Variants in HSF5 observed in about 807,000 individuals in gnomAD.
HSF5 encodes the protein heat shock factor protein 5.
HSF5 carries 5 observed loss-of-function variants against 50.8 expected under a neutral mutation model. That is an observed-to-expected ratio of 0.10 (90% CI 0.05 to 0.21). The LOEUF (loss-of-function observed/expected upper bound fraction) is 0.21. Among genes scored for constraint, HSF5 ranks in the 10% least tolerant of loss-of-function variants. The pLI, the probability that HSF5 is intolerant of heterozygous loss-of-function variation, is 1.00. For synonymous variants in HSF5, 307 were observed against 307.4 expected (o/e 1.00, Z 0.02); for missense variants, 564 against 762.6 (o/e 0.74, Z 3.07).
intron 3 of HSF5, among the ~76,000 whole-genome samples, chr17:58,463,583 A>G (rs1337748346): frequency 1.3e-5 from 2 of 152,208 alleles, no homozygotes; most frequent in Non-Finnish European, 2.9e-5. Context: ...AAGCTATAGT[A>G]CCCAAATACC....
intron 2 of HSF5, among the ~76,000 whole-genome samples, chr17:58,473,625 G>A (rs1375716477): frequency 6.6e-6 from 1 of 152,008 alleles, no homozygotes; most frequent in African/African-American, 2.4e-5. Flanking sequence ...GAAGTGGTAA[G>A]AATGGAAAAC....
Position 58,445,376 on chromosome 17 carries a change from T to A in HSF5, c.1720+13392A>T, listed in dbSNP as rs77416005. Among the ~76,000 whole-genome samples, 366 of 152,246 alleles carry A rather than the reference T, an allele frequency of 2.4e-3. 1 individual carries two copies. Among genetic ancestry groups the A allele is most frequent in the Admixed American group, 3.8e-3 (58 of 15,292 alleles). On this transcript the variant is annotated intron_variant, in intron 5 of 5. Transcript: ENST00000323777. ...GGAAGATTATTTGAGTCCAGGAGTT[T>A]TGAGTCTAGCCTGAGCAACATTGTG...
chr17:58,432,635 T>C (rs1974379588), intron 5 of HSF5, among the ~76,000 whole-genome samples: 1 of 152,146 alleles, frequency 6.6e-6, no homozygotes, highest in Non-Finnish European at 1.5e-5. Flanking sequence ...AGGAGCCAAA[T>C]CATTCAGCAT....
In HSF5 at chr17:58,480,278, G is replaced by T. The variant is rs551981177; in HGVS notation, c.551-11C>A. On this transcript the variant is annotated splice_polypyrimidine_tract_variant and intron_variant, in intron 1 of 5. Transcript: ENST00000323777. ...CTACAGCCACTGGTCCTACATAAAA[G>T]AGGAAGAGCACATTTACTAATTTTG... The T allele has an allele frequency of 1.9e-6, 3 of 1,583,958 alleles. No homozygotes were observed. Among genetic ancestry groups the T allele is most frequent in the Non-Finnish European group, 1.7e-6 (2 of 1,165,532 alleles).
chr17:58,463,029 A>C lies in HSF5; in HGVS notation c.1295T>G (p.Leu432Arg). ...SASQASQLEP[L>R]TPVGSDIMSF... Reference sequence around the variant, plus strand: ...CATAATATCTGAGCCTACAGGAGTAAGTGGCTCCAGCTGGCTAGCCTGACT... The same window carrying C: ...CATAATATCTGAGCCTACAGGAGTACGTGGCTCCAGCTGGCTAGCCTGACT... The change falls in exon 4 of 6, where the codon CTT becomes CGT. Residue 432 changes from leucine (L) to arginine (R), a missense_variant. Physicochemically the swap from Leu to Arg is moderately radical, Grantham distance 102 (BLOSUM62 -2). This residue lies in a region of HSF5 where 441 missense variants were observed against 533.6 expected (regional missense o/e 0.83). Coordinates refer to ENST00000323777, the MANE Select transcript of HSF5 (RefSeq NM_001080439.3). 1 of 1,614,208 alleles carries C rather than the reference A, an allele frequency of 6.2e-7. No homozygotes were observed. Among genetic ancestry groups the C allele is most frequent in the Non-Finnish European group, 8.5e-7 (1 of 1,180,034 alleles).
chr17:58,433,508 T>C (rs1431628314), intron 5 of HSF5, among the ~76,000 whole-genome samples: 3 of 152,050 alleles, frequency 2.0e-5, no homozygotes, highest in South Asian at 2.1e-4. Flanking sequence ...TACCTAGGAA[T>C]TGAATAGAGA....
At chr17:58,424,193 C>T (rs114581194) in intron 5 of HSF5, among the ~76,000 whole-genome samples, 84 of 151,990 alleles carry the variant, frequency 5.5e-4, no homozygotes, top group African/African-American at 1.9e-3. Context: ...ATGATCACAG[C>T]AGTATAATCA....
rs116021797 is a variant in HSF5, at chr17:58,462,131, C to T, written c.1542+651G>A. Among the ~76,000 whole-genome samples the T allele has an allele frequency of 6.8e-3, 1,036 of 152,222 alleles. 8 individuals carry two copies. Among genetic ancestry groups the T allele is most frequent in the African/African-American group, 0.023 (972 of 41,530 alleles). ...CTTCCTCTTATAAAATGAGAACGTG[C>T]TATTTGACTTTGTTTCTGTGGATGT... is the stretch of plus-strand genomic sequence containing the variant. On this transcript the variant is annotated intron_variant, in intron 4 of 5. Coordinates refer to ENST00000323777, the MANE Select transcript of HSF5 (RefSeq NM_001080439.3).
rs757963167 is a variant in HSF5, at chr17:58,487,711, C to T, written c.550+14G>A. ...TGCCCACTGTGGGCGAGGGCACGGG[C>T]AGTCCGGACTCACCGTGCGGCTCGG... On this transcript the variant is annotated intron_variant, in intron 1 of 5. Transcript: ENST00000323777. 5 of 1,383,142 alleles carry T rather than the reference C, an allele frequency of 3.6e-6. No homozygotes were observed. The East Asian group carries it at 1.1e-4, about 32-fold the overall frequency. The allele number at this position is 1,383,142 out of a possible 1,614,324, so 85.7% of individuals were successfully genotyped here. A position where few individuals can be genotyped will look rare whatever the true frequency, so the allele number is the denominator to read the frequency against.
intron 5 of HSF5, among the ~76,000 whole-genome samples, chr17:58,435,545 T>C (rs1974416744): frequency 6.6e-6 from 1 of 151,536 alleles, no homozygotes; most frequent in African/African-American, 2.4e-5. Context: ...AGATTCCAGC[T>C]CAATAAATAA....
chr17:58,437,076 A>T (rs1293613335), intron 5 of HSF5, among the ~76,000 whole-genome samples: 1 of 152,176 alleles, frequency 6.6e-6, no homozygotes, highest in Non-Finnish European at 1.5e-5. Context: ...GCTTAAAGGG[A>T]GGAAGAGGTC....
chr17:58,443,782 A>ATT (rs1974525554), intron 5 of HSF5, among the ~76,000 whole-genome samples: 1 of 152,236 alleles, frequency 6.6e-6, no homozygotes, highest in Admixed American at 6.5e-5. Flanking sequence ...GTATTATCTG[A>ATT]AAAGGTTATC....
chr17:58,453,315 C>T (rs1180414053), intron 5 of HSF5, among the ~76,000 whole-genome samples: 2 of 152,148 alleles, frequency 1.3e-5, no homozygotes, highest in East Asian at 1.9e-4. Flanking sequence ...CAAACCAGGC[C>T]GGGTGCAGTG....
intron 5 of HSF5, among the ~76,000 whole-genome samples, chr17:58,437,219 C>G (rs1205402056): frequency 6.6e-6 from 1 of 151,984 alleles, no homozygotes; most frequent in Non-Finnish European, 1.5e-5. Flanking sequence ...TACTGTGAAC[C>G]CTAGAAAGTC....
At position 58,458,913 on chromosome 17, in the gene HSF5, T is replaced by G. The variant is rs1324691949; in HGVS notation, c.1575A>C (p.Ser525=). The G allele has an allele frequency of 5.6e-6, 9 of 1,613,228 alleles. No individual in the cohort carries two copies. The highest frequency in any genetic ancestry group is 7.6e-6 in the Non-Finnish European group (9 of 1,179,790). The stretch of plus-strand genomic sequence containing the variant: ...GTTCTGACGGCAAGATATTCTCACG[T>G]GAACTGGTCTGGCATTTTATGTTGG... ...VDANIKCQTS[S]RENILPSEQM... The change falls in exon 5 of 6, where the codon TCA becomes TCC. Residue 525 remains serine (S), a synonymous_variant. Transcript: ENST00000323777.
chr17:58,484,801 G>C (rs577377698), intron 1 of HSF5, among the ~76,000 whole-genome samples: 1 of 152,236 alleles, frequency 6.6e-6, no homozygotes, highest in East Asian at 1.9e-4. Flanking sequence ...CTCCACAGTG[G>C]TCACATAACC....
chr17:58,461,466 GT>G (rs1358629843), intron 4 of HSF5, among the ~76,000 whole-genome samples: 1 of 151,862 alleles, frequency 6.6e-6, no homozygotes, highest in Non-Finnish European at 1.5e-5. Context: ...CAGAGTTTCA[GT>G]CCTATTGAAG....
intron 5 of HSF5, among the ~76,000 whole-genome samples, chr17:58,422,753 C>T (rs999799198): frequency 6.9e-6 from 1 of 145,922 alleles, no homozygotes; most frequent in Non-Finnish European, 1.5e-5. Context: ...TGGAGTACGG[C>T]GGCACAATCT....
Position 58,462,889 on chromosome 17 carries a change from C to A in HSF5, c.1435G>T (p.Ala479Ser), listed in dbSNP as rs534764065. 1.9e-5 allele frequency: 30 copies of A among 1,614,094 alleles called. 1 individual carries two copies. In the South Asian group the frequency reaches 3.0e-4, roughly 16 times the overall value. The change falls in exon 4 of 6, where the codon GCA (alanine) becomes TCA (serine). Residue 479 changes from alanine to serine, a missense_variant. Physicochemically the swap from Ala to Ser is moderately conservative, Grantham distance 99. Coordinates refer to ENST00000323777, the MANE Select transcript of HSF5 (RefSeq NM_001080439.3). ...PVENSTIQES[A>S]AIQQAHVKLK... ...TTGACATGAGCTTGCTGGATGGCTGCAGATTCCTGTATTGTGCTATTTTCA... is the reference window on the plus strand; with the variant it reads ...TTGACATGAGCTTGCTGGATGGCTGAAGATTCCTGTATTGTGCTATTTTCA...
Sources: allele counts gnomAD v4.1 joint callset (sites outside exome capture counted in the v4.1 genomes callset), GRCh38; gene constraint gnomAD v4.1.1; regional missense constraint gnomAD v4.1.1; transcripts MANE v1.5; gene names NCBI Gene and HGNC (gene_info 2026-07-23, HGNC 2026-07-21).